CLDN10: variants seen among roughly 807,000 people sequenced by gnomAD.
CLDN10 encodes claudin-10.
Under a neutral mutation model 22.9 loss-of-function variants are expected in CLDN10, and 15 were observed. That is an observed-to-expected ratio of 0.65 (90% CI 0.44 to 1.01). CLDN10 has a LOEUF of 1.01. CLDN10 is among the 50% of genes least tolerant of loss of function. CLDN10 has a pLI of 0.00. For missense variants in CLDN10, 247 were observed against 287.8 expected, an observed-to-expected ratio of 0.86 and a Z score of 1.03; for synonymous variants, 114 against 111.4, an observed-to-expected ratio of 1.02 and a Z score of -0.15.
At chr13:95,509,155 G>A (rs1040952214) in intron 1 of CLDN10, among the ~76,000 whole-genome samples, 2 of 152,130 alleles carry the variant, frequency 1.3e-5, no homozygotes, top group African/African-American at 4.8e-5. Context: ...AAGATATTAA[G>A]CTGACTGGTC....
chr13:95,445,938 A>G (rs1047327278), intron 1 of CLDN10, among the ~76,000 whole-genome samples: 1 of 152,228 alleles, frequency 6.6e-6, no homozygotes, highest in Admixed American at 6.5e-5. Context: ...TTTAAGGGAC[A>G]TGAACATAAA....
At chr13:95,455,339 G>A (rs1190080986) in intron 1 of CLDN10, among the ~76,000 whole-genome samples, 2 of 152,224 alleles carry the variant, frequency 1.3e-5, no homozygotes, top group Admixed American at 1.3e-4. Flanking sequence ...TTTTCCCACA[G>A]AGGGTGTTTA....
intron 1 of CLDN10, among the ~76,000 whole-genome samples, chr13:95,500,997 AT>A (rs1332431462): frequency 6.6e-6 from 1 of 151,850 alleles, no homozygotes; most frequent in Non-Finnish European, 1.5e-5. Context: ...TTTTAAAAAA[AT>A]TTTTTTTAAT....
At chr13:95,502,935 A>T (rs1326819106) in intron 1 of CLDN10, among the ~76,000 whole-genome samples, 2 of 152,204 alleles carry the variant, frequency 1.3e-5, no homozygotes, top group Non-Finnish European at 2.9e-5. Context: ...CTTCTGATGG[A>T]CACATTTGTA....
chr13:95,576,200 G>A (rs1364829801), intron 3 of CLDN10, among the ~76,000 whole-genome samples: 1 of 152,090 alleles, frequency 6.6e-6, no homozygotes, highest in Non-Finnish European at 1.5e-5. Flanking sequence ...TGGCTCCCCT[G>A]CACCCTGAGG....
chr13:95,453,342 A>T (rs2042450379), intron 1 of CLDN10, among the ~76,000 whole-genome samples: 1 of 152,158 alleles, frequency 6.6e-6, no homozygotes, highest in Admixed American at 6.6e-5. Context: ...CATTCCACCA[A>T]CAACCTCACC....
Position 95,532,792 on chromosome 13 carries a change from C to CAAAAAAAAAA in CLDN10, c.215-27327_215-27318dup, listed in dbSNP as rs57500288. The stretch of plus-strand genomic sequence containing the variant: ...CTTCAGATACTGGAACTCAATTCAG[C>CAAAAAAAAAA]AAAAAAAAAAAAAAAAAAAAAAGAA... On this transcript the variant is annotated intron_variant, in intron 1 of 4. Coordinates refer to the CLDN10 transcript ENST00000376873. 4.3e-3 allele frequency among the ~76,000 whole-genome samples: 267 copies of CAAAAAAAAAA among 61,934 alleles called. 2 individuals are homozygous for CAAAAAAAAAA. Among genetic ancestry groups the CAAAAAAAAAA allele is most frequent in the Middle Eastern group, 0.02 (1 of 50 alleles). 40.6% of individuals were successfully genotyped at this position (61,934 alleles called of 152,430 possible). A position where few individuals can be genotyped will look rare whatever the true frequency, so the allele number is the denominator to read the frequency against.
At chr13:95,495,920 T>C (rs1260092260) in intron 1 of CLDN10, among the ~76,000 whole-genome samples, 5 of 152,196 alleles carry the variant, frequency 3.3e-5, no homozygotes, top group Non-Finnish European at 7.3e-5. Context: ...CATTTAATAC[T>C]GGACTGTTCT....
At chr13:95,540,039 C>T (rs974499747) in intron 1 of CLDN10, among the ~76,000 whole-genome samples, 1 of 152,040 alleles carries the variant, frequency 6.6e-6, no homozygotes, top group Non-Finnish European at 1.5e-5. Context: ...GTGGCTCACG[C>T]CTGTAATTCC....
At position 95,552,901 on chromosome 13, in the gene CLDN10, T is replaced by G; in HGVS notation, c.148T>G (p.Trp50Gly). 1.2e-6 allele frequency: 2 copies of G among 1,614,120 alleles called. No homozygotes were observed. The highest frequency in any genetic ancestry group is 1.7e-6 in the Non-Finnish European group (2 of 1,179,998). Reference sequence around the variant, plus strand: ...AACCGCCACCTATTGGGCCAACCTGTGGAAGGCGTGCGTTACCGACTCCAC... The same window carrying G: ...AACCGCCACCTATTGGGCCAACCTGGGGAAGGCGTGCGTTACCGACTCCAC... ...ITTATYWANL[W>G]KACVTDSTGV... The change falls in exon 1 of 5, where the codon TGG becomes GGG. Residue 50 changes from tryptophan to glycine, a missense_variant. Physicochemically the swap from Trp to Gly is radical, Grantham distance 184 (BLOSUM62 -2). Coordinates refer to ENST00000299339, the MANE Select transcript of CLDN10 (RefSeq NM_006984.5).
At chr13:95,496,717 C>T (rs376310359) in intron 1 of CLDN10, among the ~76,000 whole-genome samples, 7 of 152,232 alleles carry the variant, frequency 4.6e-5, no homozygotes, top group African/African-American at 7.2e-5. Flanking sequence ...AATCCCACCA[C>T]GGGGGCCCCA....
upstream of CLDN10, among the ~76,000 whole-genome samples, chr13:95,550,072 G>T (rs1047085231): frequency 3.9e-5 from 6 of 152,242 alleles, no homozygotes; most frequent in African/African-American, 1.2e-4. Flanking sequence ...TAGAAGTTTT[G>T]GAAATACTGC....
intron 1 of CLDN10, among the ~76,000 whole-genome samples, chr13:95,476,534 T>C (rs561591042): frequency 2.0e-5 from 3 of 152,258 alleles, no homozygotes; most frequent in African/African-American, 7.2e-5. Context: ...CGCCATCACC[T>C]TGGGCATTTG....
At chr13:95,512,033 G>T (rs554173963) in intron 1 of CLDN10, among the ~76,000 whole-genome samples, 2 of 104,688 alleles carry the variant, frequency 1.9e-5, no homozygotes, top group South Asian at 3.2e-4. Context: ...CAGAGTTTTT[G>T]ATGTTAATAT....
intron 1 of CLDN10, among the ~76,000 whole-genome samples, chr13:95,532,393 G>A (rs1017581334): frequency 3.9e-5 from 6 of 152,158 alleles, no homozygotes; most frequent in Non-Finnish European, 8.8e-5. Flanking sequence ...ACATGAAAAA[G>A]TGCTCAGCAT....
intron 1 of CLDN10, among the ~76,000 whole-genome samples, chr13:95,517,534 A>G (rs898515805): frequency 1.3e-5 from 2 of 152,250 alleles, no homozygotes; most frequent in African/African-American, 4.8e-5. Context: ...TACACTTCCT[A>G]TTCTTCAGAA....
intron 1 of CLDN10, among the ~76,000 whole-genome samples, chr13:95,501,100 A>G (rs957647581): frequency 6.6e-6 from 1 of 151,474 alleles, no homozygotes; most frequent in Non-Finnish European, 1.5e-5. Flanking sequence ...TGCAACCTCC[A>G]CCTCCTGGGT....
chr13:95,527,635 C>G (rs1422638614), intron 1 of CLDN10, among the ~76,000 whole-genome samples: 1 of 152,064 alleles, frequency 6.6e-6, no homozygotes, highest in Non-Finnish European at 1.5e-5. Flanking sequence ...ACTCAGGAGG[C>G]TGAGGCAGGA....
chr13:95,447,258 A>G (rs777524675), intron 1 of CLDN10, among the ~76,000 whole-genome samples: 2 of 152,314 alleles, frequency 1.3e-5, no homozygotes, highest in Admixed American at 6.5e-5. Context: ...TGAGCCAGTC[A>G]TATGAGGGGA....
Sources: allele counts gnomAD v4.1 joint callset (sites outside exome capture counted in the v4.1 genomes callset), GRCh38; gene constraint gnomAD v4.1.1; transcripts MANE v1.5; gene names NCBI Gene and HGNC (gene_info 2026-07-23, HGNC 2026-07-21).